Variants in PTGER3 observed in about 807,000 individuals in gnomAD.
PTGER3 encodes prostaglandin E receptor 3, also known as prostaglandin E2 receptor EP3 subtype.
Under a neutral mutation model 34.7 loss-of-function variants are expected in PTGER3, and 22 were observed. That is an observed-to-expected ratio of 0.63 (90% CI 0.45 to 0.91). The LOEUF is 0.91. PTGER3 is among the 40% of genes least tolerant of loss of function. PTGER3 has a pLI of 0.00. For missense variants in PTGER3, 468 were observed against 519.4 expected, an observed-to-expected ratio of 0.90 and a Z score of 0.96; for synonymous variants, 241 against 230.1, an observed-to-expected ratio of 1.05 and a Z score of -0.43.
At chr1:70,948,917 A>G (rs1650479390), downstream of PTGER3, among the ~76,000 whole-genome samples, 1 of 152,162 alleles carries the variant, frequency 6.6e-6, no homozygotes, top group South Asian at 2.1e-4. Flanking sequence ...AGATGTCATA[A>G]AGAAAAAGAA....
chr1:70,878,159 G>C (rs1452354889), intron 4 of PTGER3, among the ~76,000 whole-genome samples: 2 of 152,040 alleles, frequency 1.3e-5, no homozygotes, highest in Non-Finnish European at 2.9e-5. Context: ...ACATGTTATT[G>C]GTCTGTTCAG....
intron 4 of PTGER3, chr1:70,886,229 G>A (rs188681802): frequency 3.3e-4 from 137 of 419,996 alleles, no homozygotes; most frequent in Non-Finnish European, 5.3e-4. Context: ...CACCATTTGA[G>A]GATACAATGA....
intron 4 of PTGER3, among the ~76,000 whole-genome samples, chr1:70,887,900 G>T (rs1646531905): frequency 6.6e-6 from 1 of 151,354 alleles, no homozygotes; most frequent in African/African-American, 2.5e-5. Flanking sequence ...TTGGATATAA[G>T]ATTCTATTTA....
intron 4 of PTGER3, among the ~76,000 whole-genome samples, chr1:70,901,550 A>C (rs1156743128): frequency 6.6e-6 from 1 of 152,304 alleles, no homozygotes; most frequent in Non-Finnish European, 1.5e-5. Flanking sequence ...ACCTTTTTGG[A>C]ATACCAATTA....
At position 70,937,106 on chromosome 1, in the gene PTGER3, G is replaced by A. The variant is rs189812044; in HGVS notation, c.*23+16657C>T. On this transcript the variant is annotated intron_variant, in intron 4 of 4. Coordinates refer to the PTGER3 transcript ENST00000370931. The stretch of plus-strand genomic sequence containing the variant: ...CAAGGTTGGCGCCATTTAAAGACAC[G>A]AGGAAATTAGGATCAGATCTAGAAA... Among the ~76,000 whole-genome samples the A allele has an allele frequency of 3.3e-4, 50 of 152,260 alleles. 1 individual carries two copies. In the East Asian group the frequency reaches 7.5e-3, roughly 23 times the overall value.
intron 4 of PTGER3, among the ~76,000 whole-genome samples, chr1:70,886,019 A>C (rs374956263): frequency 1.3e-5 from 2 of 152,202 alleles, no homozygotes; most frequent in East Asian, 3.8e-4. Flanking sequence ...ATGTGATCAG[A>C]GATTGCTAAA....
chr1:71,007,981 A>C (rs187360810), intron 2 of PTGER3: 20,573 of 985,164 alleles, frequency 0.021, 250 homozygotes, highest in Non-Finnish European at 0.023. Flanking sequence ...TAAATTCTTC[A>C]ACAAAGCAGA....
chr1:71,035,726 T>C (rs1572992194), intron 1 of PTGER3, among the ~76,000 whole-genome samples: 1 of 152,222 alleles, frequency 6.6e-6, no homozygotes, highest in Non-Finnish European at 1.5e-5. Context: ...GTGAATTATC[T>C]GGCCCTGCCT....
intron 1 of PTGER3, among the ~76,000 whole-genome samples, chr1:71,028,598 G>A (rs571067546): frequency 1.3e-5 from 2 of 151,726 alleles, no homozygotes; most frequent in Admixed American, 6.6e-5. Flanking sequence ...CCCTATTGTC[G>A]CCGAAATTCC....
intron 1 of PTGER3, among the ~76,000 whole-genome samples, chr1:71,039,529 A>G (rs2100986004): frequency 6.6e-6 from 1 of 151,580 alleles, no homozygotes; most frequent in East Asian, 1.9e-4. Flanking sequence ...GGGCGCCTGT[A>G]GTCCCAGCTA....
chr1:70,869,376 A>T, intron 4 of PTGER3: 11 of 438,580 alleles, frequency 2.5e-5, no homozygotes, highest in South Asian at 1.9e-4. Flanking sequence ...TATCCAAACT[A>T]TATCATTCCA....
intron 2 of PTGER3, among the ~76,000 whole-genome samples, chr1:70,981,639 G>C (rs1654381044): frequency 6.6e-6 from 1 of 151,710 alleles, no homozygotes; most frequent in Non-Finnish European, 1.5e-5. Context: ...TAACTCCTGA[G>C]CTCAAGTGAT....
At chr1:71,038,279 A>G (rs1423585717) in intron 1 of PTGER3, among the ~76,000 whole-genome samples, 1 of 152,252 alleles carries the variant, frequency 6.6e-6, no homozygotes, top group African/African-American at 2.4e-5. Context: ...AAATTAGTGG[A>G]AAGTATATGT....
At position 71,047,140 on chromosome 1, in the gene PTGER3, GAAC is replaced by G; in HGVS notation, c.435_437del (p.Leu145del). The G allele has an allele frequency of 6.2e-7, 1 of 1,601,258 alleles. No homozygotes were observed. Among genetic ancestry groups the G allele is most frequent in the Non-Finnish European group, 8.5e-7 (1 of 1,174,192 alleles). ...GCTCGACGGCCATGGCGCTGGCGAT[GAAC>G]AACGAGGAGAGCCCGAAAACAGTCA... On this transcript the variant is annotated inframe_deletion, in exon 1 of 4. Transcript: ENST00000306666.
At chr1:70,925,264 C>A (rs1647949185) in intron 4 of PTGER3, among the ~76,000 whole-genome samples, 1 of 152,184 alleles carries the variant, frequency 6.6e-6, no homozygotes, top group Non-Finnish European at 1.5e-5. Context: ...CTCAGCCTAC[C>A]AAGGTGCTGG....
At chr1:70,866,387 A>G (rs1377695449) in intron 4 of PTGER3, among the ~76,000 whole-genome samples, 1 of 152,162 alleles carries the variant, frequency 6.6e-6, no homozygotes, top group Non-Finnish European at 1.5e-5. Context: ...TCCTAATCTT[A>G]TTTCAGAGGC....
Position 71,006,098 on chromosome 1 carries a change from G to C in PTGER3, c.1077+6207C>G, listed in dbSNP as rs2744915. The C allele has an allele frequency of 2.5e-3, 2,226 of 899,068 alleles. 54 individuals carry two copies. The African/African-American group carries it at 0.038, about 15-fold the overall frequency. 55.7% of individuals were successfully genotyped at this position (899,068 alleles called of 1,614,324 possible). ...TCATCCTACAGGAGTATAGAACACT[G>C]GAACTTATTTCTGTTATCTCTCTTA... On this transcript the variant is annotated intron_variant, in intron 2 of 3. Transcript: ENST00000306666.
intron 2 of PTGER3, among the ~76,000 whole-genome samples, chr1:70,978,744 T>G (rs532184079): frequency 2.0e-5 from 3 of 152,280 alleles, no homozygotes; most frequent in Non-Finnish European, 4.4e-5. Context: ...TTCTGAGCAC[T>G]GGCAAGTTCT....
At chr1:70,899,577 A>G (rs577532670) in intron 4 of PTGER3, among the ~76,000 whole-genome samples, 1 of 151,958 alleles carries the variant, frequency 6.6e-6, no homozygotes, top group African/African-American at 2.4e-5. Flanking sequence ...GAGCCAGATT[A>G]TATGGTGCTT....
Sources: gnomAD v4.1 joint callset for allele counts (sites outside exome capture counted in the v4.1 genomes callset) on GRCh38, gnomAD v4.1.1 for gene constraint, MANE v1.5 for transcripts, NCBI Gene and HGNC (gene_info 2026-07-23, HGNC 2026-07-21) for gene names.